Variants in IKZF4 observed in about 807,000 individuals in gnomAD.
IKZF4 encodes IKAROS family zinc finger 4.
In IKZF4, 11 loss-of-function variants were observed where a neutral mutation model predicts 47.7. That is an observed-to-expected ratio of 0.23 (90% CI 0.15 to 0.38). The LOEUF (loss-of-function observed/expected upper bound fraction) is 0.38. Among genes scored for constraint, IKZF4 ranks in the 10% least tolerant of loss-of-function variants. The probability of loss-of-function intolerance (pLI) is 1.00; values close to 1 mark genes in which losing one functional copy is unlikely to be tolerated. For missense variants in IKZF4, 557 were observed against 784.9 expected (o/e 0.71, Z 3.47); for synonymous variants, 298 against 299.4 (o/e 1.00, Z 0.05).
At chr12:56,031,961 G>T (rs1295461711) in intron 5 of IKZF4, among the ~76,000 whole-genome samples, 1 of 152,082 alleles carries the variant, frequency 6.6e-6, no homozygotes, top group Non-Finnish European at 1.5e-5. Flanking sequence ...GAGAGACAGA[G>T]AGACAAAATA....
upstream of IKZF4, among the ~76,000 whole-genome samples, chr12:56,020,054 G>C (rs1892643621): frequency 6.6e-6 from 1 of 152,252 alleles, no homozygotes; most frequent in African/African-American, 2.4e-5. Context: ...CATCTCTCCT[G>C]GAAGAGTCAT....
At chr12:56,032,371 TTCA>T in intron 5 of IKZF4, 187 bp from the exon 6 acceptor site, 1 of 593,112 alleles carries the variant, frequency 1.7e-6, no homozygotes, top group South Asian at 2.1e-5. Context: ...CACATTATCC[TTCA>T]TCATCAAATA....
At chr12:56,007,683 T>C (rs2136520915) in exon 1 of IKZF4, 1 of 152,062 alleles carries the variant, frequency 6.6e-6, no homozygotes, top group East Asian at 2.0e-4. Flanking sequence ...CCCCCAACAC[T>C]GTCCCCTCTC....
Position 56,025,044 on chromosome 12 carries a change from C to T in IKZF4, c.182-10C>T. 1 of 1,571,912 alleles carries T rather than the reference C, an allele frequency of 6.4e-7. No individual in the cohort carries two copies. The highest frequency in any genetic ancestry group is 8.6e-7 in the Non-Finnish European group (1 of 1,158,178). On this transcript the variant is annotated splice_polypyrimidine_tract_variant and intron_variant, in intron 2 of 7. Transcript: ENST00000547167. Reference sequence around the variant, plus strand: ...CCAGCTTTACCTGCCCTCTTGTTCTCTCCTCCAAGGTAGCGGGGACTCATC... The same window carrying T: ...CCAGCTTTACCTGCCCTCTTGTTCTTTCCTCCAAGGTAGCGGGGACTCATC...
chr12:56,023,520 G>C (rs930940584), intron 1 of IKZF4, 151 bp from the exon 2 acceptor site: 13 of 991,742 alleles, frequency 1.3e-5, no homozygotes, highest in Non-Finnish European at 1.9e-5. Context: ...GGAAAACTCA[G>C]ATTCAAGCCA....
At chr12:56,012,272 CTT>C (rs1227746530) in intron 2 of IKZF4, among the ~76,000 whole-genome samples, 16 of 134,846 alleles carry the variant, frequency 1.2e-4, no homozygotes, top group Admixed American at 1.5e-4. Context: ...TGTTAAATGA[CTT>C]TTTTTTTTTT....
intron 1 of IKZF4, among the ~76,000 whole-genome samples, chr12:56,023,020 C>T (rs1012909782): frequency 6.6e-6 from 1 of 152,078 alleles, no homozygotes; most frequent in African/African-American, 2.4e-5. Context: ...AGGATGGTCT[C>T]GATCTCCTGA....
rs1895701500 is a variant in IKZF4, at chr12:56,037,256, G to C, written c.*1925G>C. The C allele has an allele frequency of 6.6e-6, 1 of 152,658 alleles. No individual in the cohort carries two copies. Among genetic ancestry groups the C allele is most frequent in the Admixed American group, 6.5e-5 (1 of 15,284 alleles). The allele number at this position is 152,658 out of a possible 1,614,324, so 9.5% of individuals were successfully genotyped here. On this transcript the variant is annotated 3_prime_UTR_variant, in exon 8 of 8. Coordinates refer to ENST00000547167, the MANE Select transcript of IKZF4 (RefSeq NM_022465.4). ...CCCAAGAGAACCAGATTGGCAGGGA[G>C]AAGCATTGTGGGGCAATTGTTCCTC...
intron 1 of IKZF4, among the ~76,000 whole-genome samples, chr12:56,022,324 G>T (rs1291685083): frequency 6.6e-6 from 1 of 152,136 alleles, no homozygotes; most frequent in African/African-American, 2.4e-5. Flanking sequence ...CTACCTCCCA[G>T]TTCCTCTAAT....
chr12:56,032,797 T>G, intron 6 of IKZF4, 87 bp downstream of exon 6: 1 of 1,387,958 alleles, frequency 7.2e-7, no homozygotes, highest in Non-Finnish European at 1.0e-6. Flanking sequence ...TCTCCCACAC[T>G]GAGGGATGAA....
intron 2 of IKZF4, among the ~76,000 whole-genome samples, chr12:56,014,168 AAAAG>A (rs1280069907): frequency 4.0e-5 from 6 of 151,714 alleles, no homozygotes; most frequent in African/African-American, 1.2e-4. Context: ...AAAAAAAAAA[AAAAG>A]AAAAGAAAAG....
chr12:56,034,439 C>T (rs2136721762), intron 7 of IKZF4, 132 bp from the exon 8 acceptor site: 2 of 862,500 alleles, frequency 2.3e-6, no homozygotes, highest in Middle Eastern at 2.7e-4. Flanking sequence ...AAGGACCTGA[C>T]CCTGCGAAAG....
intron 7 of IKZF4, among the ~76,000 whole-genome samples, chr12:56,033,641 A>G (rs1181753923): frequency 2.0e-5 from 3 of 152,090 alleles, no homozygotes; most frequent in South Asian, 2.1e-4. Flanking sequence ...TGGGAGGCGG[A>G]GCTTGCAGTG....
At position 56,034,596 on chromosome 12, in the gene IKZF4, C is replaced by G. The variant is rs1214451772; in HGVS notation, c.1023C>G (p.Leu341=). Reference sequence around the variant, plus strand: ...GCGAAAAGCAGATGCGCTTCAGCCTCTCAGACCTCCCCTATGATGTGAACT... The same window carrying G: ...GCGAAAAGCAGATGCGCTTCAGCCTGTCAGACCTCCCCTATGATGTGAACT... ...FVGEKQMRFS[L]SDLPYDVNSG... The change falls in exon 8 of 8, where the codon CTC becomes CTG. Residue 341 remains leucine (L), a synonymous_variant. Transcript: ENST00000547167. 4 of 1,612,682 alleles carry G rather than the reference C, an allele frequency of 2.5e-6. No homozygotes were observed. The highest frequency in any genetic ancestry group is 3.4e-6 in the Non-Finnish European group (4 of 1,179,054).
At chr12:56,015,717 A>G (rs1292268421) in intron 2 of IKZF4, among the ~76,000 whole-genome samples, 1 of 152,228 alleles carries the variant, frequency 6.6e-6, no homozygotes, top group Non-Finnish European at 1.5e-5. Flanking sequence ...TTCATTTTGA[A>G]AAACACCAAA....
At chr12:56,015,395 T>C (rs1165283919) in intron 2 of IKZF4, among the ~76,000 whole-genome samples, 3 of 151,960 alleles carry the variant, frequency 2.0e-5, no homozygotes, top group African/African-American at 4.8e-5. Flanking sequence ...CTTTGAACTT[T>C]GCATTCTTTT....
chr12:56,025,975 GC>G (rs1439310798), intron 3 of IKZF4, among the ~76,000 whole-genome samples: 3 of 151,930 alleles, frequency 2.0e-5, no homozygotes, highest in Admixed American at 2.0e-4. Flanking sequence ...TTGCTCTGTC[GC>G]CCAGGCTGGA....
rs776342910 is a variant in IKZF4 at position 56,026,840 on chromosome 12, G to A, written c.346G>A (p.Asp116Asn). The A allele has an allele frequency of 6.2e-7, 1 of 1,612,022 alleles. No homozygotes were observed. Among genetic ancestry groups the A allele is most frequent in the Admixed American group, 1.7e-5 (1 of 59,700 alleles). The part of the protein sequence containing the change: ...DEESSRLLGP[D>N]ERLLEKDDSV... ...GGAGTCAAGCAGACTGCTGGGGCCA[G>A]ATGAGCGGCTCCTGGAAAAGGACGA... is the stretch of plus-strand genomic sequence containing the variant. Residue 116 changes from aspartate (D) to asparagine (N), a missense_variant, in exon 4 of 8, where the codon GAT (aspartate) becomes AAT (asparagine). Asp to Asn is a conservative substitution (Grantham distance 23). Around this residue, in one of 6 missense-constraint regions of IKZF4, gnomAD observed 112 missense variants for 168.2 expected, o/e 0.67. Transcript: ENST00000547167.
intron 5 of IKZF4, among the ~76,000 whole-genome samples, chr12:56,031,942 C>G (rs1276520066): frequency 6.6e-6 from 1 of 152,038 alleles, no homozygotes; most frequent in Admixed American, 6.6e-5. Flanking sequence ...CTCTTGGTAT[C>G]TCAGCGTAGA....
Sources: gnomAD v4.1 joint callset for allele counts (sites outside exome capture counted in the v4.1 genomes callset) on GRCh38, gnomAD v4.1.1 for gene constraint, gnomAD v4.1.1 regional missense constraint, MANE v1.5 for transcripts, NCBI Gene and HGNC (gene_info 2026-07-23, HGNC 2026-07-21) for gene names.